Variants in RPH3A observed in about 807,000 individuals in gnomAD.
RPH3A encodes rabphilin 3A.
RPH3A carries 48 observed loss-of-function variants against 102.2 expected under a neutral mutation model. That is an observed-to-expected ratio of 0.47 (90% confidence interval 0.37 to 0.60). The LOEUF (loss-of-function observed/expected upper bound fraction) is 0.60, where lower values mean the gene tolerates loss of function less well. RPH3A is among the 20% of genes least tolerant of loss of function. The probability of loss-of-function intolerance (pLI) is 0.00; values close to 1 mark genes in which losing one functional copy is unlikely to be tolerated. For missense variants in RPH3A, 781 were observed against 910.1 expected, an observed-to-expected ratio of 0.86 and a Z score of 1.83; for synonymous variants, 310 against 324.3, an observed-to-expected ratio of 0.96 and a Z score of 0.47.
chr12:112,782,790 A>T (rs1197885307), intron 1 of RPH3A, among the ~76,000 whole-genome samples: 1 of 152,138 alleles, frequency 6.6e-6, no homozygotes, highest in Non-Finnish European at 1.5e-5. Flanking sequence ...GGGATGTGCC[A>T]CTATTTATTT....
chr12:112,749,162 T>C (rs1270010187), intron 1 of RPH3A, among the ~76,000 whole-genome samples: 3 of 151,894 alleles, frequency 2.0e-5, no homozygotes, highest in African/African-American at 7.3e-5. Flanking sequence ...AGAGAGAGAG[T>C]GATGTGTTGT....
chr12:112,799,968 C>A (rs554454399), intron 2 of RPH3A, among the ~76,000 whole-genome samples: 11 of 152,258 alleles, frequency 7.2e-5, no homozygotes, highest in Admixed American at 1.3e-4. Context: ...AGACTCATTC[C>A]CCCATTCCCT....
chr12:112,674,361 G>A (rs1489398041), intron 1 of RPH3A, among the ~76,000 whole-genome samples: 4 of 152,174 alleles, frequency 2.6e-5, no homozygotes, highest in Admixed American at 6.5e-5. Flanking sequence ...ACAAAGAGGA[G>A]CCTCTGAGAT....
chr12:112,617,411 T>G (rs3803067), intron 1 of RPH3A, among the ~76,000 whole-genome samples: 10,370 of 152,268 alleles, frequency 0.068, 885 homozygotes, highest in African/African-American at 0.2. Context: ...AAAGGCTGGT[T>G]GGATTCAGGT....
chr12:112,750,014 C>A (rs866475919), intron 1 of RPH3A, among the ~76,000 whole-genome samples: 13 of 152,082 alleles, frequency 8.5e-5, no homozygotes, highest in African/African-American at 3.1e-4. Flanking sequence ...GTTGTGCATG[C>A]AAAGTGGTTT....
At chr12:112,716,996 G>A (rs2040517509) in intron 1 of RPH3A, among the ~76,000 whole-genome samples, 1 of 152,100 alleles carries the variant, frequency 6.6e-6, no homozygotes, top group African/African-American at 2.4e-5. Flanking sequence ...ATCAATCGCT[G>A]TGGACTTACT....
At chr12:112,721,697 G>A (rs1403595156) in intron 1 of RPH3A, among the ~76,000 whole-genome samples, 1 of 149,864 alleles carries the variant, frequency 6.7e-6, no homozygotes, top group Non-Finnish European at 1.5e-5. Context: ...TCAATGGCAA[G>A]AGCTGCTAAT....
At chr12:112,722,771 C>A (rs1299028678) in intron 1 of RPH3A, among the ~76,000 whole-genome samples, 5 of 152,188 alleles carry the variant, frequency 3.3e-5, no homozygotes, top group African/African-American at 9.7e-5. Context: ...AAGATGAAAG[C>A]CACATGTTAA....
intron 1 of RPH3A, among the ~76,000 whole-genome samples, chr12:112,720,191 C>A (rs961049754): frequency 1.3e-5 from 2 of 152,206 alleles, no homozygotes; most frequent in Non-Finnish European, 2.9e-5. Context: ...TGCACATGCA[C>A]GTGTGCTCAT....
At chr12:112,651,300 A>G (rs909713724) in intron 1 of RPH3A, among the ~76,000 whole-genome samples, 1 of 151,888 alleles carries the variant, frequency 6.6e-6, no homozygotes, top group Non-Finnish European at 1.5e-5. Context: ...GTGGAGGTGG[A>G]GGCTGTAGTG....
At chr12:112,622,617 A>C (rs1160069240) in intron 1 of RPH3A, among the ~76,000 whole-genome samples, 1 of 151,024 alleles carries the variant, frequency 6.6e-6, no homozygotes, top group Non-Finnish European at 1.5e-5. Flanking sequence ...GAATGGAACC[A>C]AGTTGGAAAA....
intron 1 of RPH3A, among the ~76,000 whole-genome samples, chr12:112,643,430 T>A (rs551507522): frequency 6.6e-6 from 1 of 152,364 alleles, no homozygotes; most frequent in Non-Finnish European, 1.5e-5. Context: ...AGCATGTGTG[T>A]GTTCGTGTTG....
intron 1 of RPH3A, among the ~76,000 whole-genome samples, chr12:112,770,972 A>G (rs967875047): frequency 6.6e-6 from 1 of 152,232 alleles, no homozygotes; most frequent in Non-Finnish European, 1.5e-5. Context: ...TGAGATTGGC[A>G]GGCCAGTTTT....
At chr12:112,692,533 C>T (rs1460776161) in intron 1 of RPH3A, among the ~76,000 whole-genome samples, 6 of 152,076 alleles carry the variant, frequency 3.9e-5, no homozygotes, top group Admixed American at 3.3e-4. Flanking sequence ...CAGTGGCTAC[C>T]ATATTGGACA....
At chr12:112,895,127 G>C (rs2043158391) in intron 20 of RPH3A, among the ~76,000 whole-genome samples, 1 of 152,102 alleles carries the variant, frequency 6.6e-6, no homozygotes, top group African/African-American at 2.4e-5. Flanking sequence ...TTTTGAGACA[G>C]AGTCTCACTC....
intron 1 of RPH3A, among the ~76,000 whole-genome samples, chr12:112,599,386 C>T (rs984132925): frequency 2.0e-5 from 3 of 152,302 alleles, no homozygotes; most frequent in African/African-American, 7.2e-5. Flanking sequence ...CTATACAATG[C>T]AACATTGCAT....
chr12:112,772,804 G>A (rs1041045595), intron 1 of RPH3A, among the ~76,000 whole-genome samples: 1 of 151,926 alleles, frequency 6.6e-6, no homozygotes, highest in Non-Finnish European at 1.5e-5. Flanking sequence ...GTTCTTTAGT[G>A]GTGATTTGTG....
At chr12:112,678,402 A>G (rs2040203160) in intron 1 of RPH3A, among the ~76,000 whole-genome samples, 2 of 151,918 alleles carry the variant, frequency 1.3e-5, no homozygotes, top group Non-Finnish European at 2.9e-5. Context: ...AACAAACACA[A>G]GGGCAGTTAT....
At chr12:112,822,308 C>G (rs1375681845) in intron 2 of RPH3A, among the ~76,000 whole-genome samples, 1 of 152,268 alleles carries the variant, frequency 6.6e-6, no homozygotes, top group African/African-American at 2.4e-5. Flanking sequence ...ACGCAGACAG[C>G]TGCAGCTCCT....
Sources: gnomAD v4.1 joint callset for allele counts (sites outside exome capture counted in the v4.1 genomes callset) on GRCh38, gnomAD v4.1.1 for gene constraint, MANE v1.5 for transcripts, NCBI Gene and HGNC (gene_info 2026-07-23, HGNC 2026-07-21) for gene names.